PIK3CD: variants seen among roughly 807,000 people sequenced by gnomAD.
The protein encoded by PIK3CD is phosphatidylinositol-4,5-bisphosphate 3-kinase catalytic subunit delta.
PIK3CD carries 20 observed loss-of-function variants against 122.9 expected under a neutral mutation model. The observed-to-expected ratio is 0.16, with a 90% CI of 0.11 to 0.24. The LOEUF (loss-of-function observed/expected upper bound fraction) is 0.24. Among genes scored for constraint, PIK3CD ranks in the 10% least tolerant of loss-of-function variants. The pLI, the probability that PIK3CD is intolerant of heterozygous loss-of-function variation, is 1.00. For missense variants in PIK3CD, 787 were observed against 1,406.3 expected (o/e 0.56, Z 7.04); for synonymous variants, 596 against 593.4 (o/e 1.00, Z -0.06).
intron 2 of PIK3CD, among the ~76,000 whole-genome samples, chr1:9,693,215 ATTAT>A (rs1646274023): frequency 6.6e-6 from 1 of 151,428 alleles, no homozygotes; most frequent in South Asian, 2.1e-4. Flanking sequence ...GCTTTTATTT[ATTAT>A]TTATTTATTT....
intron 1 of PIK3CD, among the ~76,000 whole-genome samples, chr1:9,668,892 C>T (rs933101182): frequency 6.6e-6 from 1 of 152,066 alleles, no homozygotes; most frequent in Non-Finnish European, 1.5e-5. Flanking sequence ...TAGGGGCTGA[C>T]GGGGCTGTGT....
At position 9,717,221 on chromosome 1, in the gene PIK3CD, C is replaced by A; in HGVS notation, c.930+113C>A. The A allele has an allele frequency of 7.3e-7, 1 of 1,371,116 alleles. No individual in the cohort carries two copies. The highest frequency in any genetic ancestry group is 1.0e-6 in the Non-Finnish European group (1 of 973,312). The allele number at this position is 1,371,116 out of a possible 1,614,324, so 84.9% of individuals were successfully genotyped here. ...GGGCCCTTGGTATGGAGAGCTGGGGCTTTGAGCTGGGGAAGCCAACACAGC... is the reference window on the plus strand; with the variant it reads ...GGGCCCTTGGTATGGAGAGCTGGGGATTTGAGCTGGGGAAGCCAACACAGC... On this transcript the variant is annotated intron_variant, in intron 7 of 23. Transcript: ENST00000377346. This position sits in a 1 kb window ranked among gnomAD's most constrained non-coding sequence, Gnocchi z 5.4.
chr1:9,660,022 T>G (rs1644966125), intron 1 of PIK3CD, among the ~76,000 whole-genome samples: 4 of 152,196 alleles, frequency 2.6e-5, no homozygotes, highest in Admixed American at 2.6e-4. Flanking sequence ...TTTAAGTGAT[T>G]CTCCTGCCTC....
chr1:9,680,358 T>G (rs951914626), intron 1 of PIK3CD, among the ~76,000 whole-genome samples: 16 of 151,940 alleles, frequency 1.1e-4, no homozygotes, highest in African/African-American at 3.9e-4. Flanking sequence ...ATGTCTGTAA[T>G]CCAAGCACTT....
In PIK3CD at chr1:9,728,591, G is replaced by A. The variant is rs893112935; in HGVS notation, c.*1545G>A. On this transcript the variant is annotated 3_prime_UTR_variant, in exon 24 of 24. Coordinates refer to ENST00000377346, the MANE Select transcript of PIK3CD (RefSeq NM_005026.5). ...CGTCAGTAGTCATTGCCACCCGCGG[G>A]GCACCTCCCTGGCCACACGCCTGTT... 9 of 152,386 alleles carry A rather than the reference G, an allele frequency of 5.9e-5. No individual in the cohort carries two copies. Among genetic ancestry groups the A allele is most frequent in the Middle Eastern group, 3.4e-3 (1 of 294 alleles). 9.4% of individuals were successfully genotyped at this position (152,386 alleles called of 1,614,324 possible).
intron 2 of PIK3CD, 55 bp downstream of exon 2, chr1:9,691,626 T>C: frequency 2.5e-6 from 1 of 398,338 alleles, no homozygotes; most frequent in Middle Eastern, 6.3e-4. Context: ...GATGTTATTT[T>C]GTAGATAGGT....
chr1:9,669,710 G>A (rs187543768), intron 1 of PIK3CD, among the ~76,000 whole-genome samples: 2 of 152,080 alleles, frequency 1.3e-5, no homozygotes, highest in Non-Finnish European at 2.9e-5. Flanking sequence ...ACGCAAACAG[G>A]GTGTGCTTGA....
chr1:9,627,541 G>A, the PIK3CD span, among the ~76,000 whole-genome samples: 2 of 152,232 alleles, frequency 1.3e-5, no homozygotes, highest in African/African-American at 4.8e-5. Context: ...CAGGGCGGCT[G>A]TAAGGATTAA....
chr1:9,720,864 G>A lies in PIK3CD; in HGVS notation c.1644G>A (p.Arg548=), dbSNP rs903259984. 6.2e-7 allele frequency: 1 copy of A among 1,608,148 alleles called. No individual in the cohort carries two copies. Among genetic ancestry groups the A allele is most frequent in the Admixed American group, 1.7e-5 (1 of 59,188 alleles). Residue 548 remains arginine, a synonymous_variant, in exon 13 of 24, where the codon CGG becomes CGA. Coordinates refer to ENST00000377346, the MANE Select transcript of PIK3CD (RefSeq NM_005026.5). This position sits in a 1 kb window ranked among gnomAD's most constrained non-coding sequence, Gnocchi z 9.0. The part of the protein sequence containing the change: ...VQEHFPEALA[R]LLLVTKWNKH... ...AGCACTTCCCGGAGGCGCTAGCCCG[G>A]CTGCTGCTGGTCACCAAGTGGAACA...
chr1:9,640,066 T>C, the PIK3CD span, among the ~76,000 whole-genome samples: 3 of 151,922 alleles, frequency 2.0e-5, no homozygotes, highest in African/African-American at 7.3e-5. Context: ...CTTTCATTGC[T>C]CAAGTTGTTC....
the PIK3CD span, among the ~76,000 whole-genome samples, chr1:9,644,928 G>GT: frequency 5.3e-5 from 8 of 152,262 alleles, no homozygotes; most frequent in South Asian, 8.3e-4. Context: ...GCTGGTCAGT[G>GT]GAGAACAGGC....
intron 1 of PIK3CD, among the ~76,000 whole-genome samples, chr1:9,677,114 C>T (rs1181040670): frequency 2.6e-5 from 4 of 152,144 alleles, no homozygotes; most frequent in Non-Finnish European, 5.9e-5. Context: ...CCTAAGCTGA[C>T]AGCCGGGTAG....
At chr1:9,650,209 G>A (rs1000657290), upstream of PIK3CD, among the ~76,000 whole-genome samples, 9 of 152,066 alleles carry the variant, frequency 5.9e-5, no homozygotes, top group African/African-American at 2.2e-4. Flanking sequence ...GGATCATGAG[G>A]TCAGGAGTTC....
chr1:9,722,709 G>T lies in PIK3CD; in HGVS notation c.2426+103G>T, dbSNP rs959723034. ...TGAAGGTGGCATGACCATCTCAGCC[G>T]GGGAAAGGGCTTTCCTAGGAAGACC... On this transcript the variant is annotated intron_variant, in intron 19 of 23. Transcript: ENST00000377346. The surrounding 1 kb of genome is among the most constrained non-coding windows in gnomAD (Gnocchi z 7.6). 1.0e-6 allele frequency: 1 copy of T among 1,003,644 alleles called. No homozygotes were observed. Among genetic ancestry groups the T allele is most frequent in the Non-Finnish European group, 1.6e-6 (1 of 640,900 alleles). 62.2% of individuals were successfully genotyped at this position (1,003,644 alleles called of 1,614,324 possible).
At chr1:9,726,796 G>A in intron 23 of PIK3CD, 113 bp from the exon 24 acceptor site, 3 of 1,322,276 alleles carry the variant, frequency 2.3e-6, no homozygotes, top group Non-Finnish European at 2.1e-6. Flanking sequence ...TGAGATGCTG[G>A]GAGCTCTCTA....
the PIK3CD span, among the ~76,000 whole-genome samples, chr1:9,638,702 A>G: frequency 7.6e-6 from 1 of 131,004 alleles, no homozygotes; most frequent in African/African-American, 3.0e-5. Flanking sequence ...ACTGCACTCC[A>G]GCCTGGGTGA....
chr1:9,721,734 A>G, intron 15 of PIK3CD, 27 bp from the exon 16 acceptor site: 1 of 1,610,656 alleles, frequency 6.2e-7, no homozygotes, highest in Non-Finnish European at 8.5e-7. Context: ...CTGCCTGGTG[A>G]GGCTCAGCCC....
chr1:9,661,239 C>T (rs1645000802), intron 1 of PIK3CD, among the ~76,000 whole-genome samples: 2 of 151,496 alleles, frequency 1.3e-5, no homozygotes. Context: ...CCGGCCACGC[C>T]CAGCTAATTT....
chr1:9,694,089 A>G (rs1438597226), intron 2 of PIK3CD, among the ~76,000 whole-genome samples: 2 of 152,234 alleles, frequency 1.3e-5, no homozygotes, highest in African/African-American at 4.8e-5. Flanking sequence ...TAGTTTGCCA[A>G]GCAGTGAGAC....
Sources: gnomAD v4.1 joint callset for allele counts (sites outside exome capture counted in the v4.1 genomes callset) on GRCh38, gnomAD v4.1.1 for gene constraint, Gnocchi (gnomAD v3.1) non-coding constraint, MANE v1.5 for transcripts, NCBI Gene and HGNC (gene_info 2026-07-23, HGNC 2026-07-21) for gene names.